Variants in TRIM29 observed in about 807,000 individuals in gnomAD.
The protein encoded by TRIM29 is tripartite motif-containing protein 29.
TRIM29 carries 52 observed loss-of-function variants against 57.3 expected under a neutral mutation model. That is an observed-to-expected ratio of 0.91 (90% CI 0.73 to 1.14). TRIM29 has a LOEUF of 1.14. Ranked by LOEUF, TRIM29 falls within the 50% of genes most tolerant of loss-of-function variation. The pLI, the probability that TRIM29 is intolerant of heterozygous loss-of-function variation, is 0.00. For synonymous variants in TRIM29, 319 were observed against 316.9 expected (o/e 1.01, Z -0.07); for missense variants, 753 against 774.6 (o/e 0.97, Z 0.33).
At chr11:120,132,589 G>A (rs1293714762) in intron 1 of TRIM29, among the ~76,000 whole-genome samples, 1 of 152,196 alleles carries the variant, frequency 6.6e-6, no homozygotes, top group Non-Finnish European at 1.5e-5. Flanking sequence ...CAACCTGGAC[G>A]TGGTCTTCAG....
At position 120,120,672 on chromosome 11, in the gene TRIM29, A is replaced by G; in HGVS notation, c.1436-7T>C. ...TATGATGTCCGGACCCCACCTGTGA[A>G]GCAGATGAAGGGGGCTGTCATTGCA... On this transcript the variant is annotated splice_polypyrimidine_tract_variant and splice_region_variant and intron_variant, in intron 5 of 8. Transcript: ENST00000341846. The G allele has an allele frequency of 6.2e-7, 1 of 1,613,572 alleles. No individual in the cohort carries two copies. The highest frequency in any genetic ancestry group is 8.5e-7 in the Non-Finnish European group (1 of 1,179,888).
chr11:120,127,592 G>A (rs1863621508), intron 2 of TRIM29, 23 bp from the exon 3 acceptor site: 1 of 1,605,180 alleles, frequency 6.2e-7, no homozygotes. Flanking sequence ...AGTCAGGGAA[G>A]AGATTAGGCA....
chr11:120,127,615 G>A (rs1863622048), intron 2 of TRIM29, 46 bp from the exon 3 acceptor site: 1 of 1,563,062 alleles, frequency 6.4e-7, no homozygotes, highest in African/African-American at 1.4e-5. Context: ...GCTTTAGTTA[G>A]GGAAAGAAAT....
chr11:120,117,035 C>G (rs914861450), intron 7 of TRIM29: 3 of 447,882 alleles, frequency 6.7e-6, no homozygotes, highest in African/African-American at 6.0e-5. Flanking sequence ...AGGTGGTGAA[C>G]TGATAAGGGG....
rs779458491 is a variant in TRIM29 at position 120,128,742 on chromosome 11, C to G, written c.805-247G>C. The G allele has an allele frequency of 3.3e-6, 5 of 1,535,420 alleles. No homozygotes were observed. The Middle Eastern group carries it at 5.0e-4, about 154-fold the overall frequency. On this transcript the variant is annotated intron_variant, in intron 1 of 8. Transcript: ENST00000341846. The stretch of plus-strand genomic sequence containing the variant: ...TCTCAGGCCACTAGGGCTGGATATC[C>G]TAGCCATGTCTTTTTAAGGGCTAAA...
chr11:120,114,120 C>T (rs1863206817), intron 8 of TRIM29, among the ~76,000 whole-genome samples: 1 of 152,168 alleles, frequency 6.6e-6, no homozygotes, highest in African/African-American at 2.4e-5. Context: ...TCTCTGCAGC[C>T]CAGCGCCTGT....
At chr11:120,113,162 G>A (rs1442538258) in intron 8 of TRIM29, among the ~76,000 whole-genome samples, 2 of 152,088 alleles carry the variant, frequency 1.3e-5, no homozygotes, top group Admixed American at 6.6e-5. Context: ...AGTCCAACAC[G>A]GTCCCAGGCT....
intron 2 of TRIM29, 122 bp downstream of exon 2, chr11:120,128,278 C>T (rs1565319135): frequency 2.6e-6 from 2 of 769,274 alleles, no homozygotes; most frequent in South Asian, 1.8e-5. Flanking sequence ...TGGGAGAAGC[C>T]AGAAGAAACA....
At chr11:120,130,340 G>A (rs1863693684) in intron 1 of TRIM29, among the ~76,000 whole-genome samples, 1 of 152,198 alleles carries the variant, frequency 6.6e-6, no homozygotes, top group African/African-American at 2.4e-5. Context: ...GGAGGAGTTG[G>A]CACCTGGGTT....
At chr11:120,122,603 T>C (rs943565277) in intron 5 of TRIM29, among the ~76,000 whole-genome samples, 5 of 152,108 alleles carry the variant, frequency 3.3e-5, no homozygotes, top group African/African-American at 1.2e-4. Context: ...AGCACCGGCC[T>C]GGCAGAAGGG....
chr11:120,128,732 G>C (rs1863655790), intron 1 of TRIM29: 1 of 1,535,438 alleles, frequency 6.5e-7, no homozygotes. Flanking sequence ...GGCCACTAGG[G>C]CTGGATATCC....
chr11:120,120,874 G>T, intron 5 of TRIM29: 1 of 665,652 alleles, frequency 1.5e-6, no homozygotes, highest in Non-Finnish European at 2.8e-6. Flanking sequence ...ACCGTGCAGA[G>T]AGCATCAGCA....
Position 120,137,782 on chromosome 11 carries a change from C to A in TRIM29, c.250G>T (p.Glu84Ter). 6 of 1,612,310 alleles carry A rather than the reference C, an allele frequency of 3.7e-6. No individual in the cohort carries two copies. Among genetic ancestry groups the A allele is most frequent in the Non-Finnish European group, 5.1e-6 (6 of 1,180,014 alleles). ...TTGGAGTTCTTGTCGTCCCCGGACT[C>A]GACAAACTGGATGATGGGTCGCCGC... ...EWRRPIIQFV[E>*]SGDDKNSNYF... Residue 84 changes from glutamate to a stop codon, truncating the protein, a stop_gained, in exon 1 of 9, where the codon GAG becomes TAG. Coordinates refer to ENST00000341846, the MANE Select transcript of TRIM29 (RefSeq NM_012101.4). LOFTEE classifies it high-confidence loss of function. The surrounding 1 kb of genome is among the most constrained non-coding windows in gnomAD (Gnocchi z 6.2).
intron 5 of TRIM29, among the ~76,000 whole-genome samples, chr11:120,122,406 G>C (rs1259463946): frequency 6.6e-6 from 1 of 152,196 alleles, no homozygotes; most frequent in Non-Finnish European, 1.5e-5. Context: ...GTCTGTGCTA[G>C]GCCGGCACCT....
intron 5 of TRIM29, chr11:120,121,795 G>T (rs1863454498): frequency 1.8e-5 from 6 of 337,870 alleles, no homozygotes; most frequent in African/African-American, 1.3e-4. Context: ...GAGACCCGCA[G>T]GAGCCTGTCA....
Position 120,138,072 on chromosome 11 carries a change from T to C in TRIM29, c.-41A>G. On this transcript the variant is annotated 5_prime_UTR_variant, in exon 1 of 9. Coordinates refer to ENST00000341846, the MANE Select transcript of TRIM29 (RefSeq NM_012101.4). ...TGAGCTGTTTCAGGCTTGCTGGGGT[T>C]CAGGATAGGTGACCTTTCTGGCAGG... 1 of 1,535,202 alleles carries C rather than the reference T, an allele frequency of 6.5e-7. No homozygotes were observed. The highest frequency in any genetic ancestry group is 1.2e-5 in the South Asian group (1 of 81,852).
chr11:120,125,640 T>C lies in TRIM29; in HGVS notation c.1333+51A>G, dbSNP rs1184642935. On this transcript the variant is annotated intron_variant, in intron 4 of 8. Transcript: ENST00000341846. The stretch of plus-strand genomic sequence containing the variant: ...CCATGTCAGGCAGCAGGAATTGATT[T>C]GGGAGAGAAAGGTCTATGGCCTTGG... 3 of 1,596,712 alleles carry C rather than the reference T, an allele frequency of 1.9e-6. No homozygotes were observed. In the South Asian group the frequency reaches 3.3e-5, roughly 18 times the overall value.
chr11:120,137,996 C>A lies in TRIM29; in HGVS notation c.36G>T (p.Ser12=). 1 of 1,602,186 alleles carries A rather than the reference C, an allele frequency of 6.2e-7. No homozygotes were observed. The highest frequency in any genetic ancestry group is 8.5e-7 in the Non-Finnish European group (1 of 1,179,702). ...TCCGGGCATCCCTGGCTTCTGGGCT[C>A]GACCCGTTGCTCCTGGAGGCATCTG... ...EAADASRSNG[S]SPEARDARSP... is the part of the protein sequence containing the mutation. The change falls in exon 1 of 9, where the codon TCG becomes TCT. Residue 12 remains serine (S), a synonymous_variant. Coordinates refer to ENST00000341846, the MANE Select transcript of TRIM29 (RefSeq NM_012101.4). This position sits in a 1 kb window ranked among gnomAD's most constrained non-coding sequence, Gnocchi z 6.2.
chr11:120,118,265 C>G lies in TRIM29; in HGVS notation c.1585G>C (p.Asp529His). Residue 529 changes from aspartate to histidine, a missense_variant, in exon 7 of 9, where the codon GAC (aspartate) becomes CAC (histidine). Physicochemically the swap from Asp to His is moderately conservative, Grantham distance 81 (BLOSUM62 -1). Coordinates refer to ENST00000341846, the MANE Select transcript of TRIM29 (RefSeq NM_012101.4). ...YSSSIQNSDN[D>H]LPVVQGSSSF... ...GAGCTGCCTTGGACGACGGGCAGGT[C>G]ATTGTCAGAGTTCTGAATGCTGGAG... is the stretch of plus-strand genomic sequence containing the variant. 1 of 1,614,046 alleles carries G rather than the reference C, an allele frequency of 6.2e-7. No homozygotes were observed. The highest frequency in any genetic ancestry group is 8.5e-7 in the Non-Finnish European group (1 of 1,179,986).
Sources: allele counts gnomAD v4.1 joint callset (sites outside exome capture counted in the v4.1 genomes callset), GRCh38; gene constraint gnomAD v4.1.1; non-coding constraint Gnocchi (gnomAD v3.1); transcripts MANE v1.5; gene names NCBI Gene and HGNC (gene_info 2026-07-23, HGNC 2026-07-21).